Variants in TGM2 observed in about 807,000 individuals in gnomAD.
TGM2 encodes protein-glutamine gamma-glutamyltransferase 2.
In TGM2, 53 loss-of-function variants were observed where a neutral mutation model predicts 75.6. That is an observed-to-expected ratio of 0.70 (90% CI 0.56 to 0.88). The LOEUF (loss-of-function observed/expected upper bound fraction) is 0.88, where lower values mean the gene tolerates loss of function less well. TGM2 is among the 40% of genes least tolerant of loss of function. The probability of loss-of-function intolerance (pLI) is 0.00; values close to 1 mark genes in which losing one functional copy is unlikely to be tolerated. For synonymous variants in TGM2, 374 were observed against 381.1 expected (o/e 0.98, Z 0.22); for missense variants, 842 against 928.5 (o/e 0.91, Z 1.21).
chr20:38,140,116 C>T (rs908155338), intron 8 of TGM2, among the ~76,000 whole-genome samples: 3 of 152,254 alleles, frequency 2.0e-5, no homozygotes, highest in African/African-American at 4.8e-5. Flanking sequence ...CCTGCTCATA[C>T]TGAGAGTGGA....
chr20:38,134,230 C>T (rs1040783847), intron 10 of TGM2, among the ~76,000 whole-genome samples: 1 of 152,208 alleles, frequency 6.6e-6, no homozygotes, highest in Non-Finnish European at 1.5e-5. Context: ...TTGGAAAATG[C>T]TGCCCCGACC....
In TGM2 at chr20:38,165,098, A is replaced by G. The variant is rs929534427; in HGVS notation, c.10+91T>C. 2.5e-6 allele frequency: 4 copies of G among 1,598,608 alleles called. No homozygotes were observed. In the South Asian group the frequency reaches 3.3e-5, roughly 13 times the overall value. ...AGCCCGGTCTGCCTGTTGCTCTCCA[A>G]ATCAGGACTTAGGGATTCAGCTCCC... On this transcript the variant is annotated intron_variant, in intron 1 of 12. Coordinates refer to ENST00000361475, the MANE Select transcript of TGM2 (RefSeq NM_004613.4).
chr20:38,158,361 A>G (rs1214731147), intron 2 of TGM2, among the ~76,000 whole-genome samples: 2 of 151,986 alleles, frequency 1.3e-5, no homozygotes, highest in Admixed American at 6.6e-5. Flanking sequence ...GCGGTTCTAC[A>G]CCATCCTCTT....
At chr20:38,149,459 C>T (rs568185874) in intron 4 of TGM2, among the ~76,000 whole-genome samples, 187 of 152,136 alleles carry the variant, frequency 1.2e-3, no homozygotes, top group Non-Finnish European at 1.7e-3. Flanking sequence ...AGGCGGATCA[C>T]GAGGTCAGGA....
chr20:38,130,942 T>C, intron 12 of TGM2, 151 bp downstream of exon 12: 1 of 1,232,874 alleles, frequency 8.1e-7, no homozygotes, highest in Non-Finnish European at 1.1e-6. Context: ...GTGGGAACTC[T>C]AGCCCCAGGG....
chr20:38,159,440 G>A (rs1600519283), intron 2 of TGM2, among the ~76,000 whole-genome samples: 1 of 151,120 alleles, frequency 6.6e-6, no homozygotes, highest in Non-Finnish European at 1.5e-5. Flanking sequence ...CAAAATAATC[G>A]GTACCACAAA....
At position 38,156,408 on chromosome 20, in the gene TGM2, T is replaced by A. The variant is rs1169195788; in HGVS notation, c.191-319A>T. Among the ~76,000 whole-genome samples, 3 of 152,280 alleles carry A rather than the reference T, an allele frequency of 2.0e-5. No individual in the cohort carries two copies. The East Asian group carries it at 5.8e-4, about 29-fold the overall frequency. On this transcript the variant is annotated intron_variant, in intron 2 of 12. Transcript: ENST00000361475. ...GCTCAGTTCCACTGCTCTGCAATGA[T>A]GTGACTCGGGACAAGCCCATCCCTC... is the stretch of plus-strand genomic sequence containing the variant.
In TGM2 at chr20:38,165,262, G is replaced by T. The variant is rs1324746010; in HGVS notation, c.-64C>A. ...GACCCTCCAAGTGCGACCACTGGCG[G>T]CTGGCACTGCCGAGGCGGAGAGCGG... is the stretch of plus-strand genomic sequence containing the variant. On this transcript the variant is annotated 5_prime_UTR_variant, in exon 1 of 13. Coordinates refer to ENST00000361475, the MANE Select transcript of TGM2 (RefSeq NM_004613.4). The T allele has an allele frequency of 5.6e-6, 9 of 1,608,844 alleles. No individual in the cohort carries two copies. The highest frequency in any genetic ancestry group is 6.8e-6 in the Non-Finnish European group (8 of 1,179,172).
chr20:38,140,056 T>G (rs918272674), intron 8 of TGM2, among the ~76,000 whole-genome samples: 5 of 152,264 alleles, frequency 3.3e-5, no homozygotes, highest in Admixed American at 6.5e-5. Flanking sequence ...GAGGAAATTA[T>G]GGAGCCAAGG....
chr20:38,138,689 C>T (rs1254902133), intron 9 of TGM2, among the ~76,000 whole-genome samples: 1 of 152,208 alleles, frequency 6.6e-6, no homozygotes, highest in Non-Finnish European at 1.5e-5. Flanking sequence ...AGGGCTAAGG[C>T]TGTGTTTTAC....
chr20:38,149,186 A>G (rs1251455981), intron 4 of TGM2, among the ~76,000 whole-genome samples: 1 of 152,168 alleles, frequency 6.6e-6, no homozygotes, highest in Non-Finnish European at 1.5e-5. Flanking sequence ...TATGTCGTGC[A>G]CACACCTCCT....
intron 2 of TGM2, among the ~76,000 whole-genome samples, chr20:38,159,261 A>C (rs1364420687): frequency 6.6e-6 from 1 of 152,198 alleles, no homozygotes; most frequent in African/African-American, 2.4e-5. Context: ...GCAGGAGCAG[A>C]AAAGCAAATC....
intron 2 of TGM2, among the ~76,000 whole-genome samples, chr20:38,158,006 C>A (rs2075208482): frequency 6.6e-6 from 1 of 152,136 alleles, no homozygotes; most frequent in South Asian, 2.1e-4. Flanking sequence ...CTGGGGTGAC[C>A]AAGCATCACA....
chr20:38,139,743 C>A, intron 8 of TGM2, 89 bp from the exon 9 acceptor site: 1 of 1,552,740 alleles, frequency 6.4e-7, no homozygotes, highest in East Asian at 2.3e-5. Flanking sequence ...CACATGTAGC[C>A]AAAAACCTCA....
intron 1 of TGM2, among the ~76,000 whole-genome samples, chr20:38,162,697 T>A (rs996104570): frequency 6.6e-6 from 1 of 152,190 alleles, no homozygotes; most frequent in African/African-American, 2.4e-5. Flanking sequence ...TTTTTGTTAA[T>A]TTGTTTGTGT....
At chr20:38,159,318 G>A (rs995917937) in intron 2 of TGM2, among the ~76,000 whole-genome samples, 2 of 152,096 alleles carry the variant, frequency 1.3e-5, no homozygotes, top group African/African-American at 4.8e-5. Flanking sequence ...GAGAACATAT[G>A]GACGCATAGA....
chr20:38,167,591 G>A (rs541691072), upstream of TGM2, among the ~76,000 whole-genome samples: 8 of 152,220 alleles, frequency 5.3e-5, no homozygotes, highest in African/African-American at 9.6e-5. Flanking sequence ...TGCACGCCTC[G>A]ACCTCCCAAA....
chr20:38,131,275 G>A, intron 11 of TGM2, 46 bp from the exon 12 acceptor site: 1 of 1,611,622 alleles, frequency 6.2e-7, no homozygotes, highest in African/African-American at 1.3e-5. Context: ...TGGGATCCAG[G>A]CTGGGCTGTC....
At chr20:38,154,210 G>A (rs994232578) in intron 3 of TGM2, among the ~76,000 whole-genome samples, 2 of 152,132 alleles carry the variant, frequency 1.3e-5, no homozygotes, top group Non-Finnish European at 2.9e-5. Flanking sequence ...ATGGAAAGGT[G>A]AAAAATTTTA....
Sources: gnomAD v4.1 joint callset for allele counts (sites outside exome capture counted in the v4.1 genomes callset) on GRCh38, gnomAD v4.1.1 for gene constraint, MANE v1.5 for transcripts, NCBI Gene and HGNC (gene_info 2026-07-23, HGNC 2026-07-21) for gene names.